Variants in CAST observed in about 807,000 individuals in gnomAD.
CAST encodes the protein MIR583 host.
CAST carries 76 observed loss-of-function variants against 119.6 expected under a neutral mutation model. The ratio of observed to expected loss-of-function variants is 0.64; its 90% CI spans 0.53 to 0.77. The LOEUF (loss-of-function observed/expected upper bound fraction) is 0.77. CAST is among the 30% of genes least tolerant of loss of function. The pLI is 0.00. For synonymous variants in CAST, 319 were observed against 331.6 expected, an observed-to-expected ratio of 0.96 and a Z score of 0.41; for missense variants, 953 against 946.5, an observed-to-expected ratio of 1.01 and a Z score of -0.09.
intron 2 of CAST, among the ~76,000 whole-genome samples, chr5:96,690,421 G>T (rs1752598849): frequency 6.6e-6 from 1 of 151,992 alleles, no homozygotes; most frequent in Non-Finnish European, 1.5e-5. Context: ...GTAGAGATGG[G>T]GTTTCACTAT....
chr5:96,151,885 A>G, the CAST span, among the ~76,000 whole-genome samples: 1 of 152,228 alleles, frequency 6.6e-6, no homozygotes, highest in African/African-American at 2.4e-5. Flanking sequence ...TATAAAGAGC[A>G]AAGAGACTCT....
the CAST span, among the ~76,000 whole-genome samples, chr5:96,182,027 C>T: frequency 4.3e-4 from 66 of 152,278 alleles, 1 homozygote; most frequent in African/African-American, 1.2e-3. Flanking sequence ...AATTCTTCTG[C>T]GTAACAGTCA....
intron 1 of CAST, among the ~76,000 whole-genome samples, chr5:96,619,828 A>G (rs1747561363): frequency 6.6e-6 from 1 of 152,194 alleles, no homozygotes; most frequent in African/African-American, 2.4e-5. Context: ...CATTAGCATT[A>G]CAAGTCCTGC....
chr5:96,121,696 G>C, the CAST span, among the ~76,000 whole-genome samples: 2 of 152,120 alleles, frequency 1.3e-5, no homozygotes, highest in African/African-American at 4.8e-5. Context: ...TTCTCTTAGA[G>C]GCAAAGATTC....
intron 1 of CAST, among the ~76,000 whole-genome samples, chr5:96,586,605 A>C (rs1023892136): frequency 6.6e-6 from 1 of 152,080 alleles, no homozygotes; most frequent in South Asian, 2.1e-4. Context: ...TCATCAGAAT[A>C]AGTTGGAAAT....
chr5:96,466,056 C>T, the CAST span, among the ~76,000 whole-genome samples: 1 of 151,986 alleles, frequency 6.6e-6, no homozygotes, highest in African/African-American at 2.4e-5. Flanking sequence ...CCACATTAGC[C>T]ACAATATACT....
chr5:96,610,572 G>A (rs188207921), intron 1 of CAST, among the ~76,000 whole-genome samples: 3 of 152,150 alleles, frequency 2.0e-5, no homozygotes, highest in Non-Finnish European at 4.4e-5. Context: ...ATACTGAATG[G>A]ACCAAAGTTG....
At chr5:96,551,900 G>C (rs1746133676) in intron 1 of CAST, among the ~76,000 whole-genome samples, 5 of 152,076 alleles carry the variant, frequency 3.3e-5, no homozygotes, top group Admixed American at 3.3e-4. Context: ...CAATAGAGGA[G>C]CACCGCGATT....
chr5:96,430,262 T>G, the CAST span, among the ~76,000 whole-genome samples: 2 of 152,234 alleles, frequency 1.3e-5, no homozygotes, highest in Admixed American at 1.3e-4. Flanking sequence ...AGTCTCCCTT[T>G]ACTCAGTACT....
chr5:96,596,588 C>T (rs976678795), intron 1 of CAST, among the ~76,000 whole-genome samples: 1 of 152,162 alleles, frequency 6.6e-6, no homozygotes, highest in African/African-American at 2.4e-5. Context: ...CTATAGAGCT[C>T]TTTGTGGTCA....
the CAST span, among the ~76,000 whole-genome samples, chr5:96,047,692 G>A: frequency 1.3e-5 from 2 of 152,152 alleles, no homozygotes; most frequent in African/African-American, 4.8e-5. Context: ...AAGTACCTGG[G>A]ATATATTGAT....
chr5:96,473,535 A>C, the CAST span, among the ~76,000 whole-genome samples: 11,095 of 152,290 alleles, frequency 0.073, 891 homozygotes, highest in East Asian at 0.41. Flanking sequence ...TCTTGTTCTC[A>C]TGGCCACAGA....
At chr5:96,273,061 C>T in the CAST span, among the ~76,000 whole-genome samples, 40 of 152,114 alleles carry the variant, frequency 2.6e-4, no homozygotes, top group Non-Finnish European at 5.3e-4. Flanking sequence ...ACCAGTATAC[C>T]TTCCTTAAAT....
At chr5:96,265,213 A>T in the CAST span, among the ~76,000 whole-genome samples, 1 of 152,132 alleles carries the variant, frequency 6.6e-6, no homozygotes, top group Non-Finnish European at 1.5e-5. Context: ...CTCTGGTATA[A>T]GTGGGTGTGT....
At chr5:96,430,569 C>A in the CAST span, among the ~76,000 whole-genome samples, 1 of 152,056 alleles carries the variant, frequency 6.6e-6, no homozygotes, top group Non-Finnish European at 1.5e-5. Flanking sequence ...CTACCTTAAT[C>A]CAAGCTTTAT....
chr5:95,965,417 G>A, the CAST span, among the ~76,000 whole-genome samples: 109 of 152,292 alleles, frequency 7.2e-4, no homozygotes, highest in Middle Eastern at 3.4e-3. Context: ...ATGCAGAAGG[G>A]CATTCTGTCT....
At chr5:96,557,005 G>C (rs1286807634) in intron 1 of CAST, among the ~76,000 whole-genome samples, 1 of 152,054 alleles carries the variant, frequency 6.6e-6, no homozygotes, top group Admixed American at 6.6e-5. Flanking sequence ...AATAACAGGG[G>C]ATCTCTCGGC....
chr5:96,269,600 C>T, the CAST span, among the ~76,000 whole-genome samples: 1 of 152,272 alleles, frequency 6.6e-6, no homozygotes, highest in South Asian at 2.1e-4. Context: ...CACAGAAACA[C>T]AGACAATAAT....
chr5:96,660,844 G>T (rs1234270068), upstream of CAST, among the ~76,000 whole-genome samples: 1 of 151,884 alleles, frequency 6.6e-6, no homozygotes, highest in African/African-American at 2.4e-5. Context: ...TTTCCTGAGT[G>T]GACATAGTCC....
Sources: allele counts gnomAD v4.1 joint callset (sites outside exome capture counted in the v4.1 genomes callset), GRCh38; gene constraint gnomAD v4.1.1; transcripts MANE v1.5; gene names NCBI Gene and HGNC (gene_info 2026-07-23, HGNC 2026-07-21).